Variants in COL5A2 observed in about 807,000 individuals in gnomAD.
The protein encoded by COL5A2 is collagen type V alpha 2 chain, also known as collagen alpha-2(V) chain.
A neutral mutation model predicts 208.2 loss-of-function variants in COL5A2; 23 were observed. That is an observed-to-expected ratio of 0.11 (90% CI 0.08 to 0.16). The LOEUF is 0.16. COL5A2 is among the 10% of genes least tolerant of loss of function. COL5A2 has a pLI of 1.00. For synonymous variants in COL5A2, 625 were observed against 628.5 expected (o/e 0.99, Z 0.08); for missense variants, 1,590 against 1,956.4 (o/e 0.81, Z 3.53).
At chr2:189,319,046 G>A in the COL5A2 span, among the ~76,000 whole-genome samples, 2 of 152,048 alleles carry the variant, frequency 1.3e-5, no homozygotes, top group Non-Finnish European at 2.9e-5. Context: ...TGCCAGGGAT[G>A]TCTATTTTAG....
At chr2:189,192,919 TTATCACAAGAGGATTCC>T (rs1688949172) in intron 1 of COL5A2, among the ~76,000 whole-genome samples, 1 of 152,182 alleles carries the variant, frequency 6.6e-6, no homozygotes, top group African/African-American at 2.4e-5. Context: ...AGAGTGCTAC[TTATCACAAGAGGATTCC>T]TATCACAAGA....
intron 1 of COL5A2, among the ~76,000 whole-genome samples, chr2:189,111,602 C>T (rs935282679): frequency 6.6e-5 from 10 of 152,212 alleles, no homozygotes; most frequent in African/African-American, 2.2e-4. Context: ...CTTCCTTTAC[C>T]CAACTGATAT....
At chr2:189,311,599 G>A in the COL5A2 span, 12 of 1,123,218 alleles carry the variant, frequency 1.1e-5, no homozygotes, top group Admixed American at 1.2e-4. Flanking sequence ...TCTCCAAGCT[G>A]GCCTTCAGAT....
chr2:189,285,088 G>A, the COL5A2 span, among the ~76,000 whole-genome samples: 1 of 151,598 alleles, frequency 6.6e-6, no homozygotes, highest in Non-Finnish European at 1.5e-5. Flanking sequence ...GTGTGTGTGT[G>A]TGTGTGTGTG....
the COL5A2 span, among the ~76,000 whole-genome samples, chr2:189,340,206 G>C: frequency 6.6e-6 from 1 of 152,100 alleles, no homozygotes; most frequent in South Asian, 2.1e-4. Context: ...AGTCAGTGGG[G>C]GGCTTAGGAC....
At chr2:189,160,127 C>T (rs562034518) in intron 1 of COL5A2, among the ~76,000 whole-genome samples, 8 of 152,098 alleles carry the variant, frequency 5.3e-5, no homozygotes, top group African/African-American at 1.9e-4. Context: ...GAAATAGAAG[C>T]CAGAAAACTG....
At chr2:189,246,139 T>C in the COL5A2 span, among the ~76,000 whole-genome samples, 2 of 152,354 alleles carry the variant, frequency 1.3e-5, no homozygotes, top group East Asian at 3.9e-4. Context: ...TAGAAAAAAG[T>C]ATGTAATGTG....
rs1685801371 is a variant in COL5A2 at position 189,052,071 on chromosome 2, T to C, written c.2769+101A>G. 27 of 955,024 alleles carry C rather than the reference T, an allele frequency of 2.8e-5. No homozygotes were observed. In the South Asian group the frequency reaches 3.7e-4, roughly 13 times the overall value. 59.2% of individuals were successfully genotyped at this position (955,024 alleles called of 1,614,324 possible). A position where few individuals can be genotyped will look rare whatever the true frequency, so the allele number is the denominator to read the frequency against. On this transcript the variant is annotated intron_variant, in intron 41 of 53. Transcript: ENST00000374866. The stretch of plus-strand genomic sequence containing the variant: ...ATAAGAGTTGTTAAATAAGAAAACA[T>C]ACCATTAAGAAATTAAATAAAATAA...
chr2:189,122,932 A>G (rs1687535633), intron 1 of COL5A2, among the ~76,000 whole-genome samples: 1 of 151,596 alleles, frequency 6.6e-6, no homozygotes, highest in Non-Finnish European at 1.5e-5. Context: ...AGAAAATACG[A>G]AGGGTTTGAT....
chr2:189,111,240 G>T (rs1687254157), intron 1 of COL5A2, among the ~76,000 whole-genome samples: 2 of 152,048 alleles, frequency 1.3e-5, no homozygotes, highest in Admixed American at 6.6e-5. Flanking sequence ...ATATGTGTGT[G>T]TGTGTGTACA....
At chr2:189,356,095 T>G in the COL5A2 span, among the ~76,000 whole-genome samples, 1 of 152,358 alleles carries the variant, frequency 6.6e-6, no homozygotes, top group African/African-American at 2.4e-5. Context: ...TGTTGAATAC[T>G]GATCCCCACT....
At chr2:189,395,477 C>T in the COL5A2 span, among the ~76,000 whole-genome samples, 1 of 151,996 alleles carries the variant, frequency 6.6e-6, no homozygotes, top group African/African-American at 2.4e-5. Flanking sequence ...TGGTTTTTAT[C>T]TTAGGGATAC....
At chr2:189,225,079 T>G (rs983374360) in intron 1 of COL5A2, among the ~76,000 whole-genome samples, 4 of 152,128 alleles carry the variant, frequency 2.6e-5, no homozygotes, top group Non-Finnish European at 4.4e-5. Flanking sequence ...TATTATGGGG[T>G]ATATATACTA....
At chr2:189,212,374 A>T (rs1350229471) in intron 1 of COL5A2, among the ~76,000 whole-genome samples, 3 of 152,124 alleles carry the variant, frequency 2.0e-5, no homozygotes, top group Non-Finnish European at 4.4e-5. Flanking sequence ...GCGGTGGCTC[A>T]TGCCTGTAAT....
intron 30 of COL5A2, among the ~76,000 whole-genome samples, chr2:189,061,015 C>T (rs1471800191): frequency 2.0e-5 from 3 of 152,004 alleles, no homozygotes; most frequent in Admixed American, 1.3e-4. Flanking sequence ...CTGCACACCA[C>T]TTAGCAAAAA....
upstream of COL5A2, among the ~76,000 whole-genome samples, chr2:189,228,820 C>A (rs944243472): frequency 1.3e-5 from 2 of 151,778 alleles, no homozygotes; most frequent in African/African-American, 4.8e-5. Context: ...ATGAAGCCAG[C>A]ATTATTCCGA....
chr2:189,423,353 C>A, the COL5A2 span, among the ~76,000 whole-genome samples: 1 of 150,570 alleles, frequency 6.6e-6, no homozygotes, highest in African/African-American at 2.4e-5. Flanking sequence ...AAAAATTAAG[C>A]CCAAATTTAG....
chr2:189,151,464 T>C (rs1688140093), intron 1 of COL5A2, among the ~76,000 whole-genome samples: 1 of 152,192 alleles, frequency 6.6e-6, no homozygotes, highest in Admixed American at 6.5e-5. Context: ...GTCTTTTCTG[T>C]TGAATCCATG....
At chr2:189,096,689 A>G (rs1237710757) in intron 6 of COL5A2, among the ~76,000 whole-genome samples, 1 of 151,976 alleles carries the variant, frequency 6.6e-6, no homozygotes, top group East Asian at 1.9e-4. Flanking sequence ...TATTCTGTGC[A>G]GATAGGTAAT....
Sources: allele counts gnomAD v4.1 joint callset (sites outside exome capture counted in the v4.1 genomes callset), GRCh38; gene constraint gnomAD v4.1.1; transcripts MANE v1.5; gene names NCBI Gene and HGNC (gene_info 2026-07-23, HGNC 2026-07-21).